The following ZDHHC20 variants were observed in gnomAD, a reference collection of about 807,000 sequenced individuals.
ZDHHC20 encodes zDHHC palmitoyltransferase 20, also known as palmitoyltransferase ZDHHC20.
A neutral mutation model predicts 57.8 loss-of-function variants in ZDHHC20; 43 were observed. The observed-to-expected ratio is 0.74, with a 90% CI of 0.58 to 0.96. The LOEUF is 0.96. Ranked by LOEUF, ZDHHC20 falls within the 40% of genes least tolerant of loss-of-function variation. ZDHHC20 has a pLI of 0.00. For missense variants in ZDHHC20, 391 were observed against 441.1 expected, an observed-to-expected ratio of 0.89 and a Z score of 1.02; for synonymous variants, 157 against 153.0, an observed-to-expected ratio of 1.03 and a Z score of -0.19.
At chr13:21,410,708 C>T (rs1197821818) in intron 4 of ZDHHC20, among the ~76,000 whole-genome samples, 1 of 152,144 alleles carries the variant, frequency 6.6e-6, no homozygotes, top group Non-Finnish European at 1.5e-5. Flanking sequence ...GAAGCCCCTC[C>T]CCCCACCAAG....
intron 3 of ZDHHC20, among the ~76,000 whole-genome samples, chr13:21,414,420 G>A (rs1470088408): frequency 6.6e-6 from 1 of 151,422 alleles, no homozygotes; most frequent in Non-Finnish European, 1.5e-5. Context: ...GAGTGCAGTG[G>A]AGTGATTTCG....
intron 1 of ZDHHC20, among the ~76,000 whole-genome samples, chr13:21,434,100 GTGTGTC>G (rs1391052031): frequency 6.6e-6 from 1 of 151,992 alleles, no homozygotes; most frequent in East Asian, 1.9e-4. Flanking sequence ...GTGTGTGTGT[GTGTGTC>G]TGTGTGTCTG....
chr13:21,412,910 G>T (rs1200224611), intron 4 of ZDHHC20, among the ~76,000 whole-genome samples: 2 of 135,462 alleles, frequency 1.5e-5, no homozygotes, highest in African/African-American at 5.5e-5. Context: ...GGAAGTTGCA[G>T]TGAGCTGAGA....
At chr13:21,380,546 C>G (rs1162379107) in intron 11 of ZDHHC20, among the ~76,000 whole-genome samples, 1 of 151,936 alleles carries the variant, frequency 6.6e-6, no homozygotes, top group South Asian at 2.1e-4. Context: ...ATAATCCCAG[C>G]ACTTTGGGGG....
intron 1 of ZDHHC20, among the ~76,000 whole-genome samples, chr13:21,447,437 C>T (rs1428472679): frequency 6.8e-6 from 1 of 147,582 alleles, no homozygotes; most frequent in East Asian, 2.0e-4. Flanking sequence ...CGATTGCAGG[C>T]ACGCGCCGCC....
At chr13:21,382,301 T>C (rs549087202) in intron 10 of ZDHHC20, among the ~76,000 whole-genome samples, 8 of 152,250 alleles carry the variant, frequency 5.3e-5, no homozygotes, top group Admixed American at 2.0e-4. Flanking sequence ...TTAGAACTTA[T>C]CATTTTCTCT....
In ZDHHC20 at chr13:21,375,009, C is replaced by T. The variant is rs1249310018; in HGVS notation, c.*1687G>A. ...ATTAGCCGGGCATGGTGGCATGAGC[C>T]TGTAATCCCAGCTACTTGGGAGGCT... On this transcript the variant is annotated 3_prime_UTR_variant, in exon 13 of 13. Coordinates refer to ENST00000400590, the MANE Select transcript of ZDHHC20 (RefSeq NM_001330059.2). 7.5e-6 allele frequency: 3 copies of T among 401,326 alleles called. No individual in the cohort carries two copies. The highest frequency in any genetic ancestry group is 6.3e-5 in the African/African-American group (3 of 47,768). The allele number at this position is 401,326 out of a possible 1,614,324, so 24.9% of individuals were successfully genotyped here.
rs1286934322 is a variant in ZDHHC20, at chr13:21,375,547, A to G, written c.*1149T>C. 1 of 161,878 alleles carries G rather than the reference A, an allele frequency of 6.2e-6. No individual in the cohort carries two copies. The highest frequency in any genetic ancestry group is 1.9e-4 in the East Asian group (1 of 5,320). 10.0% of individuals were successfully genotyped at this position (161,878 alleles called of 1,614,324 possible). On this transcript the variant is annotated 3_prime_UTR_variant, in exon 13 of 13. Transcript: ENST00000400590. ...GACTTCAGACTGTGCGTCTAAGAGT[A>G]GAATCCACTTCTCAAGAGACTGGGA...
At chr13:21,381,358 G>T in intron 11 of ZDHHC20, 76 bp downstream of exon 11, 5 of 1,150,530 alleles carry the variant, frequency 4.3e-6, no homozygotes, top group Non-Finnish European at 6.3e-6. Flanking sequence ...ACATTATTTT[G>T]ATTTTTCCAC....
rs1871573071 is a variant in ZDHHC20 at position 21,373,796 on chromosome 13, G to C, written c.*2900C>G. 1 of 152,242 alleles carries C rather than the reference G, an allele frequency of 6.6e-6. No homozygotes were observed. The highest frequency in any genetic ancestry group is 2.1e-4 in the South Asian group (1 of 4,836). The allele number at this position is 152,242 out of a possible 1,614,324, so 9.4% of individuals were successfully genotyped here. On this transcript the variant is annotated 3_prime_UTR_variant, in exon 13 of 13. Coordinates refer to ENST00000400590, the MANE Select transcript of ZDHHC20 (RefSeq NM_001330059.2). ...AATCAATACCAGTTGAGATACCAAA[G>C]AGGCAGCCTTTCCCTGATTCCCACA... is the stretch of plus-strand genomic sequence containing the variant.
At chr13:21,405,659 A>G (rs1878334289) in intron 4 of ZDHHC20, among the ~76,000 whole-genome samples, 1 of 152,124 alleles carries the variant, frequency 6.6e-6, no homozygotes, top group Non-Finnish European at 1.5e-5. Context: ...CTTTTCCACT[A>G]CTGGGAGCAT....
chr13:21,421,226 A>G lies in ZDHHC20; in HGVS notation c.146-62T>C, dbSNP rs1411687921. The G allele has an allele frequency of 2.3e-6, 3 of 1,328,772 alleles. No homozygotes were observed. The Admixed American group carries it at 5.7e-5, about 25-fold the overall frequency. The allele number at this position is 1,328,772 out of a possible 1,614,324, so 82.3% of individuals were successfully genotyped here. ...AGGTGAAAACAGCAAAAAGCATTAC[A>G]TTAAAACACAATAATTGGGTCAGGA... On this transcript the variant is annotated intron_variant, in intron 2 of 12. Transcript: ENST00000400590.
At chr13:21,391,606 T>G in intron 8 of ZDHHC20, 116 bp downstream of exon 8, 1 of 1,168,060 alleles carries the variant, frequency 8.6e-7, no homozygotes, top group Non-Finnish European at 1.2e-6. Flanking sequence ...TGCCACCAAT[T>G]CCAGAGTCAG....
At chr13:21,427,803 C>G (rs1311879916) in intron 1 of ZDHHC20, among the ~76,000 whole-genome samples, 1 of 142,378 alleles carries the variant, frequency 7.0e-6, no homozygotes, top group Non-Finnish European at 1.5e-5. Context: ...CCACTGCACT[C>G]CAGCCTGGAC....
rs767412254 is a variant in ZDHHC20 at position 21,374,542 on chromosome 13, G to A, written c.*2154C>T. 2.5e-6 allele frequency: 1 copy of A among 400,754 alleles called. No homozygotes were observed. Among genetic ancestry groups the A allele is most frequent in the Non-Finnish European group, 5.1e-6 (1 of 196,914 alleles). The allele number at this position is 400,754 out of a possible 1,614,324, so 24.8% of individuals were successfully genotyped here. ...GAGCCACCACACCCAGCAATAATTG[G>A]TATCTCTTAAATCTCATTCTAGTTT... On this transcript the variant is annotated 3_prime_UTR_variant, in exon 13 of 13. Coordinates refer to ENST00000400590, the MANE Select transcript of ZDHHC20 (RefSeq NM_001330059.2).
intron 3 of ZDHHC20, among the ~76,000 whole-genome samples, chr13:21,420,331 T>C (rs902298241): frequency 6.6e-6 from 1 of 152,162 alleles, no homozygotes; most frequent in Non-Finnish European, 1.5e-5. Flanking sequence ...TTTAACTGAA[T>C]AAACCTCACA....
chr13:21,427,941 TACA>T (rs1312861159), intron 1 of ZDHHC20, among the ~76,000 whole-genome samples: 2 of 151,776 alleles, frequency 1.3e-5, no homozygotes, highest in African/African-American at 4.8e-5. Flanking sequence ...TATATATTCC[TACA>T]ACACTTTATA....
intron 4 of ZDHHC20, among the ~76,000 whole-genome samples, chr13:21,411,603 T>C (rs1288694121): frequency 6.6e-6 from 1 of 152,192 alleles, no homozygotes; most frequent in African/African-American, 2.4e-5. Flanking sequence ...TTGCAAAGGC[T>C]GTGAAATTAC....
chr13:21,396,068 T>C (rs1287668670), intron 7 of ZDHHC20, among the ~76,000 whole-genome samples: 2 of 152,162 alleles, frequency 1.3e-5, no homozygotes, highest in African/African-American at 4.8e-5. Context: ...CCCCGATACC[T>C]GAGTCCTCTG....
Sources: gnomAD v4.1 joint callset for allele counts (sites outside exome capture counted in the v4.1 genomes callset) on GRCh38, gnomAD v4.1.1 for gene constraint, MANE v1.5 for transcripts, NCBI Gene and HGNC (gene_info 2026-07-23, HGNC 2026-07-21) for gene names.